Variants in SGSM1 observed in about 807,000 individuals in gnomAD.
SGSM1 encodes the protein small G protein signaling modulator 1.
A neutral mutation model predicts 133.8 loss-of-function variants in SGSM1; 73 were observed. The ratio of observed to expected loss-of-function variants is 0.55; its 90% CI spans 0.45 to 0.66. The LOEUF (loss-of-function observed/expected upper bound fraction) is 0.66. Ranked by LOEUF, SGSM1 falls within the 30% of genes least tolerant of loss-of-function variation. The pLI is 0.00. For missense variants in SGSM1, 1,213 were observed against 1,448.1 expected (o/e 0.84, Z 2.64); for synonymous variants, 563 against 573.0 (o/e 0.98, Z 0.25).
Position 24,924,548 on chromosome 22 carries a change from A to G in SGSM1, c.*274A>G. ...TGCAGGAGGTGGAGGTTGTTGGTGG[A>G]GGAGGAGCCATCTTTGTTTGCTGGT... On this transcript the variant is annotated 3_prime_UTR_variant, in exon 25 of 25. Coordinates refer to ENST00000400358, the MANE Select transcript of SGSM1 (RefSeq NM_001098497.3). 1 of 474,694 alleles carries G rather than the reference A, an allele frequency of 2.1e-6. No homozygotes were observed. 29.4% of individuals were successfully genotyped at this position (474,694 alleles called of 1,614,324 possible).
At chr22:24,826,655 G>T (rs1174140739) in intron 2 of SGSM1, among the ~76,000 whole-genome samples, 1 of 152,212 alleles carries the variant, frequency 6.6e-6, no homozygotes, top group Non-Finnish European at 1.5e-5. Context: ...TCCTAAGGAA[G>T]AGTAAGCAGC....
intron 18 of SGSM1, among the ~76,000 whole-genome samples, chr22:24,897,162 C>A (rs577412170): frequency 1.2e-4 from 19 of 152,088 alleles, no homozygotes; most frequent in African/African-American, 4.3e-4. Context: ...GGCAGATCAC[C>A]TGAGGTCAGG....
intron 3 of SGSM1, among the ~76,000 whole-genome samples, chr22:24,845,941 TTTTC>T (rs200470528): frequency 0.17 from 19,584 of 114,692 alleles, 1,637 homozygotes; most frequent in Middle Eastern, 0.19. Flanking sequence ...TTTTCTTTTC[TTTTC>T]TTTCTTTCTT....
intron 9 of SGSM1, among the ~76,000 whole-genome samples, chr22:24,862,467 C>T (rs1031817815): frequency 1.3e-5 from 2 of 152,190 alleles, no homozygotes; most frequent in Non-Finnish European, 2.9e-5. Context: ...ATCTTGCCCT[C>T]GAGAGCTCAG....
chr22:24,897,749 G>A (rs954891552), intron 18 of SGSM1, among the ~76,000 whole-genome samples: 3 of 152,348 alleles, frequency 2.0e-5, no homozygotes, highest in East Asian at 1.9e-4. Flanking sequence ...GATTGCAGGC[G>A]TGAGCCACCA....
At chr22:24,884,618 A>G (rs1932504446) in intron 15 of SGSM1, among the ~76,000 whole-genome samples, 1 of 152,190 alleles carries the variant, frequency 6.6e-6, no homozygotes, top group Non-Finnish European at 1.5e-5. Flanking sequence ...TTAGCTTGCC[A>G]TTGTGGTTGA....
chr22:24,868,104 C>G (rs1011819062), intron 10 of SGSM1, among the ~76,000 whole-genome samples: 2 of 152,116 alleles, frequency 1.3e-5, no homozygotes, highest in African/African-American at 4.8e-5. Context: ...TAGGGGGCGT[C>G]TTTTTCCTCT....
chr22:24,856,962 A>G (rs1930832273), intron 8 of SGSM1, among the ~76,000 whole-genome samples: 1 of 151,430 alleles, frequency 6.6e-6, no homozygotes. Context: ...TAGAGATGGG[A>G]TTTCACCATG....
At chr22:24,822,088 C>CTCTTTTTTTTTTTTTTTTT (rs1555920070) in intron 2 of SGSM1, among the ~76,000 whole-genome samples, 25 of 96,126 alleles carry the variant, frequency 2.6e-4, no homozygotes, top group Non-Finnish European at 4.8e-4. Flanking sequence ...TCATCTCTCT[C>CTCTTTTTTTTTTTTTTTTT]TTTTTTTTTT....
At chr22:24,842,861 T>C (rs774055032) in intron 2 of SGSM1, among the ~76,000 whole-genome samples, 5 of 152,186 alleles carry the variant, frequency 3.3e-5, no homozygotes, top group Non-Finnish European at 7.3e-5. Context: ...GCTCAGCACA[T>C]GATGATCATT....
At chr22:24,850,879 C>T (rs1049068587) in intron 5 of SGSM1, among the ~76,000 whole-genome samples, 6 of 152,210 alleles carry the variant, frequency 3.9e-5, no homozygotes, top group East Asian at 3.9e-4. Flanking sequence ...AGGTGGATCA[C>T]GAGGTCAGGA....
chr22:24,922,185 T>C (rs111655208), intron 24 of SGSM1, among the ~76,000 whole-genome samples: 1,633 of 143,778 alleles, frequency 0.011, 35 homozygotes, highest in African/African-American at 0.041. Context: ...CTTTCTTTTT[T>C]TTTTTTTTTT....
At chr22:24,811,412 T>C (rs1256703666) in intron 2 of SGSM1, among the ~76,000 whole-genome samples, 15 of 151,944 alleles carry the variant, frequency 9.9e-5, no homozygotes, top group Non-Finnish European at 2.2e-4. Flanking sequence ...CTTGAATGCA[T>C]ATTTGGAGTC....
intron 2 of SGSM1, among the ~76,000 whole-genome samples, chr22:24,842,797 C>T (rs1379821130): frequency 6.6e-6 from 1 of 152,192 alleles, no homozygotes; most frequent in African/African-American, 2.4e-5. Flanking sequence ...CTGCATGCAG[C>T]CGACATTTAT....
chr22:24,885,889 T>C (rs890858109), intron 15 of SGSM1, among the ~76,000 whole-genome samples: 2 of 152,212 alleles, frequency 1.3e-5, no homozygotes, highest in Non-Finnish European at 2.9e-5. Flanking sequence ...TACCTGTGAC[T>C]TTCCTTATTC....
intron 16 of SGSM1, 53 bp from the exon 17 acceptor site, chr22:24,893,378 C>T (rs1932847449): frequency 1.3e-6 from 2 of 1,595,216 alleles, no homozygotes; most frequent in Non-Finnish European, 1.7e-6. Flanking sequence ...GTCTGGCCCT[C>T]CCCAGGCGCC....
Position 24,834,758 on chromosome 22 carries a change from C to CT in SGSM1, c.64-10124dup, listed in dbSNP as rs139641. ...CACTTTGTATATACGTCTAAATTTC[C>CT]TTTTTTTTTTTTTTTATTGTGACGG... On this transcript the variant is annotated intron_variant, in intron 2 of 24. Coordinates refer to ENST00000400358, the MANE Select transcript of SGSM1 (RefSeq NM_001098497.3). Among the ~76,000 whole-genome samples, 147 of 146,170 alleles carry CT rather than the reference C, an allele frequency of 1.0e-3. 2 individuals carry two copies. Among genetic ancestry groups the CT allele is most frequent in the East Asian group, 9.3e-3 (46 of 4,950 alleles).
At chr22:24,900,575 T>C (rs1256616686) in intron 19 of SGSM1, among the ~76,000 whole-genome samples, 1 of 152,060 alleles carries the variant, frequency 6.6e-6, no homozygotes, top group Non-Finnish European at 1.5e-5. Context: ...TTTTGTATTT[T>C]TAGTAGAGAT....
intron 2 of SGSM1, among the ~76,000 whole-genome samples, chr22:24,827,013 G>T (rs896348282): frequency 7.6e-4 from 116 of 152,238 alleles, no homozygotes; most frequent in African/African-American, 2.6e-3. Context: ...TCTGGCACCG[G>T]CTGTGTGCTG....
Sources: gnomAD v4.1 joint callset for allele counts (sites outside exome capture counted in the v4.1 genomes callset) on GRCh38, gnomAD v4.1.1 for gene constraint, MANE v1.5 for transcripts, NCBI Gene and HGNC (gene_info 2026-07-23, HGNC 2026-07-21) for gene names.